Variants in CELF2 observed in about 807,000 individuals in gnomAD.
CELF2 encodes the protein CUGBP Elav-like family member 2.
In CELF2, 8 loss-of-function variants were observed where a neutral mutation model predicts 62.6. That is an observed-to-expected ratio of 0.13 (90% confidence interval 0.07 to 0.23). The LOEUF is 0.23. CELF2 is among the 10% of genes least tolerant of loss of function. The probability of loss-of-function intolerance (pLI) is 1.00; values close to 1 mark genes in which losing one functional copy is unlikely to be tolerated. For synonymous variants in CELF2, 258 were observed against 250.0 expected, an observed-to-expected ratio of 1.03 and a Z score of -0.30; for missense variants, 333 against 671.0, an observed-to-expected ratio of 0.50 and a Z score of 5.56.
At position 11,255,499 on chromosome 10, in the gene CELF2, C is replaced by T. The variant is rs1205420151; in HGVS notation, c.404-2239C>T. The stretch of plus-strand genomic sequence containing the variant: ...CCACCTCCAGTCTCTCCAGACCCTT[C>T]GTCCAGCTTCAATTCCACATCCCCC... On this transcript the variant is annotated intron_variant, in intron 4 of 12. Transcript: ENST00000633077. This position sits in a 1 kb window ranked among gnomAD's most constrained non-coding sequence, Gnocchi z 5.5. Among the ~76,000 whole-genome samples the T allele has an allele frequency of 6.6e-6, 1 of 152,204 alleles. No individual in the cohort carries two copies. Among genetic ancestry groups the T allele is most frequent in the East Asian group, 1.9e-4 (1 of 5,184 alleles).
At chr10:10,824,946 A>C (rs2132064808) in intron 1 of CELF2, among the ~76,000 whole-genome samples, 1 of 152,246 alleles carries the variant, frequency 6.6e-6, no homozygotes, top group South Asian at 2.1e-4. Flanking sequence ...TCAGGCAGTG[A>C]CCTTTGTGTT....
chr10:10,987,059 G>T lies in CELF2; in HGVS notation c.89+67060G>T, dbSNP rs181050521. 4.9e-3 allele frequency among the ~76,000 whole-genome samples: 749 copies of T among 152,280 alleles called. 2 individuals carry two copies. The highest frequency in any genetic ancestry group is 6.9e-3 in the Non-Finnish European group (468 of 68,016). ...GGCTTGGATAGACTAGCTGGCAGTA[G>T]TCATCTTTACCTTTGGTCCTACCGT... is the stretch of plus-strand genomic sequence containing the variant. On this transcript the variant is annotated intron_variant, in intron 2 of 13. Coordinates refer to the CELF2 transcript ENST00000636488.
At chr10:11,204,133 A>G (rs551576848) in intron 2 of CELF2, among the ~76,000 whole-genome samples, 1 of 152,144 alleles carries the variant, frequency 6.6e-6, no homozygotes, top group Non-Finnish European at 1.5e-5. Context: ...TTATTTGATC[A>G]CCCTGGATAT....
intron 4 of CELF2, among the ~76,000 whole-genome samples, chr10:11,256,332 G>A (rs775597091): frequency 6.6e-6 from 1 of 152,198 alleles, no homozygotes; most frequent in Non-Finnish European, 1.5e-5. Context: ...GCACAGAGGT[G>A]TGCTTTAGCG....
At chr10:10,998,965 A>G (rs960984242) in intron 2 of CELF2, among the ~76,000 whole-genome samples, 1 of 152,222 alleles carries the variant, frequency 6.6e-6, no homozygotes, top group African/African-American at 2.4e-5. Context: ...AATGAAGGTA[A>G]TATACAGTTT....
At chr10:10,602,539 G>A in the CELF2 span, among the ~76,000 whole-genome samples, 51 of 152,176 alleles carry the variant, frequency 3.4e-4, no homozygotes, top group African/African-American at 1.1e-3. Flanking sequence ...TTATATTTAC[G>A]CAAAGTCATT....
chr10:10,929,922 G>T (rs1054897378), intron 2 of CELF2, among the ~76,000 whole-genome samples: 1 of 152,214 alleles, frequency 6.6e-6, no homozygotes, highest in Non-Finnish European at 1.5e-5. Context: ...AGCATTAAAT[G>T]TAAAAGTCCC....
At chr10:11,264,956 A>G (rs1226404101) in intron 5 of CELF2, among the ~76,000 whole-genome samples, 1 of 152,208 alleles carries the variant, frequency 6.6e-6, no homozygotes, top group Non-Finnish European at 1.5e-5. Context: ...ATGTACTGAG[A>G]GTTTTTGTGT....
the CELF2 span, among the ~76,000 whole-genome samples, chr10:10,757,471 A>G: frequency 6.6e-6 from 1 of 152,162 alleles, no homozygotes; most frequent in South Asian, 2.1e-4. Flanking sequence ...AATAAAATAG[A>G]ATAAAATAGA....
At chr10:10,764,467 C>T in the CELF2 span, among the ~76,000 whole-genome samples, 1 of 152,094 alleles carries the variant, frequency 6.6e-6, no homozygotes, top group East Asian at 1.9e-4. Flanking sequence ...CTCATGCAGA[C>T]CTAATCAGAC....
rs879289820 is a variant in CELF2, at chr10:11,328,201, C to T, written c.1439-725C>T. Among the ~76,000 whole-genome samples the T allele has an allele frequency of 6.6e-6, 1 of 152,152 alleles. No individual in the cohort carries two copies. Among genetic ancestry groups the T allele is most frequent in the Non-Finnish European group, 1.5e-5 (1 of 68,034 alleles). On this transcript the variant is annotated intron_variant, in intron 12 of 12. Transcript: ENST00000633077. The surrounding 1 kb of genome is among the most constrained non-coding windows in gnomAD (Gnocchi z 6.4). The stretch of plus-strand genomic sequence containing the variant: ...GTATCCCCCAGACTTTGGGAGATGC[C>T]AGGGAGCAATTTCCTTTCTGCTGAA...
At chr10:10,699,619 T>C in the CELF2 span, among the ~76,000 whole-genome samples, 1 of 152,008 alleles carries the variant, frequency 6.6e-6, no homozygotes. Flanking sequence ...AGGTGACGGG[T>C]GAGGAAGCAC....
chr10:10,698,566 G>C, the CELF2 span, among the ~76,000 whole-genome samples: 103,642 of 152,096 alleles, frequency 0.68, 36,107 homozygotes, highest in South Asian at 0.83. Flanking sequence ...GATCACCTAC[G>C]TTCTCAGTAA....
the CELF2 span, among the ~76,000 whole-genome samples, chr10:10,614,469 C>T: frequency 1.2e-4 from 19 of 152,164 alleles, no homozygotes; most frequent in East Asian, 7.7e-4. Flanking sequence ...ATTTATCTTA[C>T]GGCAAATGGC....
the CELF2 span, among the ~76,000 whole-genome samples, chr10:10,651,258 T>A: frequency 7.1e-6 from 1 of 141,430 alleles, no homozygotes; most frequent in Non-Finnish European, 1.6e-5. Context: ...CACAGCAGTA[T>A]GAGATCAAAC....
At chr10:10,873,009 C>A (rs1413369695) in intron 1 of CELF2, among the ~76,000 whole-genome samples, 1 of 152,092 alleles carries the variant, frequency 6.6e-6, no homozygotes, top group Non-Finnish European at 1.5e-5. Context: ...CCCTTGCTTG[C>A]CTCATGTCAG....
In CELF2 at chr10:11,280,404, A is replaced by G. The variant is rs1415403430; in HGVS notation, c.841+5284A>G. On this transcript the variant is annotated intron_variant, in intron 8 of 12. Coordinates refer to ENST00000633077, the MANE Select transcript of CELF2 (RefSeq NM_001326342.2). This position sits in a 1 kb window ranked among gnomAD's most constrained non-coding sequence, Gnocchi z 7.6. The stretch of plus-strand genomic sequence containing the variant: ...CTGGCTGGTGTCCGCACATCAGGCC[A>G]GTGCCTTTCCCCAAAACCGTTTCTC... 6.6e-6 allele frequency among the ~76,000 whole-genome samples: 1 copy of G among 152,192 alleles called. No homozygotes were observed. Among genetic ancestry groups the G allele is most frequent in the African/African-American group, 2.4e-5 (1 of 41,456 alleles).
At chr10:11,160,759 TTTTA>T (rs796697432) in intron 1 of CELF2, among the ~76,000 whole-genome samples, 21 of 152,354 alleles carry the variant, frequency 1.4e-4, no homozygotes, top group African/African-American at 4.6e-4. Flanking sequence ...GTGTGTGCTT[TTTTA>T]TTTAGTTTGC....
chr10:10,547,269 C>T, the CELF2 span, among the ~76,000 whole-genome samples: 1 of 152,120 alleles, frequency 6.6e-6, no homozygotes, highest in Non-Finnish European at 1.5e-5. Context: ...AGCTGCAGCC[C>T]CCACTAGCCA....
Sources: allele counts gnomAD v4.1 joint callset (sites outside exome capture counted in the v4.1 genomes callset), GRCh38; gene constraint gnomAD v4.1.1; non-coding constraint Gnocchi (gnomAD v3.1); transcripts MANE v1.5; gene names NCBI Gene and HGNC (gene_info 2026-07-23, HGNC 2026-07-21).